The following GULP1 variants were observed in gnomAD, a reference collection of about 807,000 sequenced individuals.
GULP1 encodes the protein PTB domain-containing engulfment adapter protein 1.
In GULP1, 19 loss-of-function variants were observed where a neutral mutation model predicts 40.9. That is an observed-to-expected ratio of 0.46 (90% confidence interval 0.32 to 0.68). The LOEUF (loss-of-function observed/expected upper bound fraction) is 0.68, where lower values mean the gene tolerates loss of function less well. Ranked by LOEUF, GULP1 falls within the 30% of genes least tolerant of loss-of-function variation. The probability of loss-of-function intolerance (pLI) is 0.03; values close to 1 mark genes in which losing one functional copy is unlikely to be tolerated. For synonymous variants in GULP1, 119 were observed against 117.6 expected, an observed-to-expected ratio of 1.01 and a Z score of -0.08; for missense variants, 312 against 362.2, an observed-to-expected ratio of 0.86 and a Z score of 1.12.
At chr2:188,486,260 C>T (rs1440255980) in intron 4 of GULP1, among the ~76,000 whole-genome samples, 1 of 151,812 alleles carries the variant, frequency 6.6e-6, no homozygotes, top group African/African-American at 2.4e-5. Context: ...ATAAGTTTAC[C>T]ATAGGGTAGT....
intron 2 of GULP1, among the ~76,000 whole-genome samples, chr2:188,458,700 T>TA (rs2059466660): frequency 6.6e-6 from 1 of 152,160 alleles, no homozygotes; most frequent in Non-Finnish European, 1.5e-5. Flanking sequence ...TACTCTTAGC[T>TA]ATTTAACAAA....
At chr2:188,492,823 G>A (rs1575585146) in intron 4 of GULP1, among the ~76,000 whole-genome samples, 2 of 151,984 alleles carry the variant, frequency 1.3e-5, no homozygotes, top group Admixed American at 1.3e-4. Flanking sequence ...AGATGATTAT[G>A]AAAGTCATTA....
chr2:188,579,305 G>A (rs1357642583), intron 9 of GULP1, among the ~76,000 whole-genome samples: 1 of 152,060 alleles, frequency 6.6e-6, no homozygotes, highest in Admixed American at 6.6e-5. Flanking sequence ...GCAAGTATGT[G>A]GGCCCACTTT....
chr2:188,406,390 A>G (rs1277593698), intron 2 of GULP1, among the ~76,000 whole-genome samples: 2 of 152,186 alleles, frequency 1.3e-5, no homozygotes, highest in Non-Finnish European at 2.9e-5. Flanking sequence ...ATTAACCAAA[A>G]TTTTGATATG....
At chr2:188,398,958 A>G (rs1165826429) in intron 2 of GULP1, among the ~76,000 whole-genome samples, 1 of 152,228 alleles carries the variant, frequency 6.6e-6, no homozygotes, top group Non-Finnish European at 1.5e-5. Context: ...CAAATCATGA[A>G]TTTTAAATTG....
rs577370897 is a variant in GULP1 at position 188,433,964 on chromosome 2, G to T, written c.-44-43695G>T. Among the ~76,000 whole-genome samples the T allele has an allele frequency of 2.6e-5, 4 of 151,628 alleles. No individual in the cohort carries two copies. In the South Asian group the frequency reaches 6.3e-4, roughly 24 times the overall value. On this transcript the variant is annotated intron_variant, in intron 2 of 11. Transcript: ENST00000409830. The stretch of plus-strand genomic sequence containing the variant: ...TTTTTCATTATAGGTAAACAATGGG[G>T]TCTGAGAGTTAGGGCATAATATTCC...
chr2:188,483,501 A>C lies in GULP1; in HGVS notation c.90+9A>C. 1 of 1,201,904 alleles carries C rather than the reference A, an allele frequency of 8.3e-7. No homozygotes were observed. The highest frequency in any genetic ancestry group is 1.2e-6 in the Non-Finnish European group (1 of 831,088). 74.5% of individuals were successfully genotyped at this position (1,201,904 alleles called of 1,614,324 possible). Reference sequence around the variant, plus strand: ...TTCCCTATAATGCAAAGGTAAAAATAGTTCATTTATTATTTAATTTTATTT... The same window carrying C: ...TTCCCTATAATGCAAAGGTAAAAATCGTTCATTTATTATTTAATTTTATTT... On this transcript the variant is annotated intron_variant, in intron 4 of 11. Coordinates refer to ENST00000409830, the MANE Select transcript of GULP1 (RefSeq NM_016315.4).
chr2:188,506,167 CTTTTAA>C (rs2063892784), intron 4 of GULP1, among the ~76,000 whole-genome samples: 1 of 151,720 alleles, frequency 6.6e-6, no homozygotes, highest in Non-Finnish European at 1.5e-5. Flanking sequence ...CTCCTTTTGT[CTTTTAA>C]TTTTAACTAC....
intron 2 of GULP1, among the ~76,000 whole-genome samples, chr2:188,439,862 G>A (rs1307821871): frequency 1.3e-5 from 2 of 152,242 alleles, no homozygotes; most frequent in South Asian, 2.1e-4. Context: ...GTAAGGTGAT[G>A]CAGGAAAAGC....
At chr2:188,350,698 A>G (rs770974122) in intron 1 of GULP1, among the ~76,000 whole-genome samples, 1 of 152,054 alleles carries the variant, frequency 6.6e-6, no homozygotes, top group South Asian at 2.1e-4. Flanking sequence ...AAATTTTACA[A>G]TATAACAAGT....
intron 2 of GULP1, among the ~76,000 whole-genome samples, chr2:188,396,511 A>G (rs1193826047): frequency 1.3e-5 from 2 of 152,226 alleles, no homozygotes; most frequent in Non-Finnish European, 1.5e-5. Flanking sequence ...TCACATCTGC[A>G]GTGTTCCACT....
Position 188,324,348 on chromosome 2 carries a change from A to G in GULP1, c.-172+32182A>G, listed in dbSNP as rs2040446233. Among the ~76,000 whole-genome samples the G allele has an allele frequency of 3.3e-5, 5 of 152,112 alleles. No individual in the cohort carries two copies. The South Asian group carries it at 1.0e-3, about 31-fold the overall frequency. On this transcript the variant is annotated intron_variant, in intron 1 of 11. Transcript: ENST00000409830. ...ATCATTTTCCAGGGAACATGCTGTT[A>G]CTAAGCCTCTAAAAATAATTGCTTA...
chr2:188,361,330 C>T (rs1274495574), intron 1 of GULP1, among the ~76,000 whole-genome samples: 1 of 151,742 alleles, frequency 6.6e-6, no homozygotes, highest in African/African-American at 2.4e-5. Flanking sequence ...AATCCTAAGG[C>T]AGGAATGACT....
At position 188,466,287 on chromosome 2, in the gene GULP1, T is replaced by A. The variant is rs544824480; in HGVS notation, c.-44-11372T>A. ...TTTATTTGACCTCAGTGGCTGGTTT[T>A]TTTTTCCCCCCCCGGAGTCTTGCTC... On this transcript the variant is annotated intron_variant, in intron 2 of 11. Transcript: ENST00000409830. Among the ~76,000 whole-genome samples the A allele has an allele frequency of 6.2e-5, 9 of 144,970 alleles. No individual in the cohort carries two copies. The East Asian group carries it at 1.8e-3, about 28-fold the overall frequency.
At chr2:188,340,989 G>A (rs1375608841) in intron 1 of GULP1, among the ~76,000 whole-genome samples, 1 of 152,130 alleles carries the variant, frequency 6.6e-6, no homozygotes. Context: ...TGCCAGTGGA[G>A]CCTGGGGTTT....
At chr2:188,459,236 G>A (rs2059511547) in intron 2 of GULP1, among the ~76,000 whole-genome samples, 1 of 152,074 alleles carries the variant, frequency 6.6e-6, no homozygotes, top group Non-Finnish European at 1.5e-5. Flanking sequence ...GGAACATATG[G>A]TAGCTCTATT....
intron 2 of GULP1, among the ~76,000 whole-genome samples, chr2:188,439,310 AT>A (rs1421778146): frequency 6.6e-6 from 1 of 152,114 alleles, no homozygotes; most frequent in African/African-American, 2.4e-5. Context: ...TTTAATCATC[AT>A]AATTTTCTAA....
intron 9 of GULP1, among the ~76,000 whole-genome samples, chr2:188,581,456 TAA>T (rs1701310851): frequency 6.6e-6 from 1 of 152,184 alleles, no homozygotes; most frequent in Admixed American, 6.5e-5. Flanking sequence ...AGTAAATGAA[TAA>T]AGACTTAATT....
At chr2:188,343,317 T>C (rs541683042) in intron 1 of GULP1, among the ~76,000 whole-genome samples, 1 of 151,980 alleles carries the variant, frequency 6.6e-6, no homozygotes, top group South Asian at 2.1e-4. Flanking sequence ...CCAAGAAGGA[T>C]AGGTGATCTA....
Sources: gnomAD v4.1 joint callset for allele counts (sites outside exome capture counted in the v4.1 genomes callset) on GRCh38, gnomAD v4.1.1 for gene constraint, MANE v1.5 for transcripts, NCBI Gene and HGNC (gene_info 2026-07-23, HGNC 2026-07-21) for gene names.